Variants in PRKN observed in about 807,000 individuals in gnomAD.
PRKN encodes the protein parkin RBR E3 ubiquitin protein ligase.
In PRKN, 56 loss-of-function variants were observed where a neutral mutation model predicts 59.5. The ratio of observed to expected loss-of-function variants is 0.94; its 90% confidence interval spans 0.76 to 1.18. The LOEUF is 1.18. Ranked by LOEUF, PRKN falls within the 50% of genes most tolerant of loss-of-function variation. PRKN has a pLI of 0.00. For synonymous variants in PRKN, 250 were observed against 222.1 expected (o/e 1.13, Z -1.12); for missense variants, 657 against 596.4 (o/e 1.10, Z -1.06).
At chr6:161,904,799 G>A (rs913597307) in intron 6 of PRKN, among the ~76,000 whole-genome samples, 6 of 152,042 alleles carry the variant, frequency 3.9e-5, no homozygotes, top group African/African-American at 7.2e-5. Context: ...AGCAAGATGG[G>A]GTTGTGCAGA....
intron 2 of PRKN, among the ~76,000 whole-genome samples, chr6:162,301,319 G>A (rs965803404): frequency 6.6e-6 from 1 of 151,360 alleles, no homozygotes; most frequent in Non-Finnish European, 1.5e-5. Flanking sequence ...AGTCAAAGAC[G>A]CAGACTCAGC....
intron 1 of PRKN, among the ~76,000 whole-genome samples, chr6:162,457,599 TACAA>T (rs1160788368): frequency 6.6e-6 from 1 of 150,844 alleles, no homozygotes; most frequent in Non-Finnish European, 1.5e-5. Context: ...GGCTGATTAA[TACAA>T]ACAAAGAAAT....
chr6:161,950,292 C>T (rs1043976467), intron 6 of PRKN, among the ~76,000 whole-genome samples: 1 of 152,148 alleles, frequency 6.6e-6, no homozygotes, highest in Non-Finnish European at 1.5e-5. Context: ...TGCCTGTAAT[C>T]CCAGCACTTT....
chr6:161,873,791 G>T (rs55901057), intron 6 of PRKN, among the ~76,000 whole-genome samples: 1 of 148,606 alleles, frequency 6.7e-6, no homozygotes, highest in Non-Finnish European at 1.5e-5. Flanking sequence ...TTTCCTCTAA[G>T]CTTTCAAAAT....
chr6:161,504,092 A>T (rs968968478), intron 9 of PRKN, among the ~76,000 whole-genome samples: 19 of 152,236 alleles, frequency 1.2e-4, no homozygotes, highest in Admixed American at 9.2e-4. Context: ...GGGTATAGAG[A>T]CAGAAGATGT....
At chr6:162,615,417 A>T (rs1478602835) in intron 1 of PRKN, among the ~76,000 whole-genome samples, 1 of 147,066 alleles carries the variant, frequency 6.8e-6, no homozygotes, top group African/African-American at 2.5e-5. Context: ...TACCATCTCA[A>T]ATTTAACTTC....
chr6:161,740,315 C>T (rs954629483), intron 7 of PRKN, among the ~76,000 whole-genome samples: 4 of 152,170 alleles, frequency 2.6e-5, no homozygotes, highest in East Asian at 3.9e-4. Flanking sequence ...ATGTTATTGT[C>T]CTCGTCTATA....
At chr6:161,667,517 A>C (rs991859702) in intron 7 of PRKN, among the ~76,000 whole-genome samples, 1 of 152,190 alleles carries the variant, frequency 6.6e-6, no homozygotes, top group Admixed American at 6.5e-5. Context: ...AAACTACCAG[A>C]ATCTTTTGTT....
Position 162,585,584 on chromosome 6 carries a change from G to A in PRKN, c.7+142078C>T, listed in dbSNP as rs566004585. On this transcript the variant is annotated intron_variant, in intron 1 of 11. Coordinates refer to ENST00000366898, the MANE Select transcript of PRKN (RefSeq NM_004562.3). ...TTCCTGTTAGCAGTTATTTACATGC[G>A]TACATATGAATGATTAAAAGATATA... 2.4e-4 allele frequency among the ~76,000 whole-genome samples: 36 copies of A among 152,042 alleles called. No homozygotes were observed. The South Asian group carries it at 2.5e-3, about 11-fold the overall frequency.
chr6:161,509,585 A>C (rs1313415442), intron 9 of PRKN, among the ~76,000 whole-genome samples: 1 of 151,428 alleles, frequency 6.6e-6, no homozygotes, highest in African/African-American at 2.4e-5. Context: ...TTGGGGGGAA[A>C]AAAAGAAAAA....
At chr6:162,717,379 C>T (rs1427104518) in intron 1 of PRKN, among the ~76,000 whole-genome samples, 2 of 151,970 alleles carry the variant, frequency 1.3e-5, no homozygotes, top group Non-Finnish European at 2.9e-5. Flanking sequence ...GAGTTCAAGA[C>T]TAGTCTGGGC....
intron 1 of PRKN, among the ~76,000 whole-genome samples, chr6:162,591,006 C>T (rs1562415341): frequency 6.6e-6 from 1 of 152,060 alleles, no homozygotes; most frequent in Non-Finnish European, 1.5e-5. Context: ...TGGTCACTGT[C>T]TCATGGGGGG....
chr6:162,501,643 AC>A (rs1385574852), intron 1 of PRKN, among the ~76,000 whole-genome samples: 2 of 151,780 alleles, frequency 1.3e-5, no homozygotes, highest in Non-Finnish European at 2.9e-5. Context: ...GGTGTGAGCC[AC>A]CGCGCCCGGC....
Position 161,552,315 on chromosome 6 carries a change from TCTGTTCACCTCCGCC to T in PRKN, c.934-3327_934-3313del, listed in dbSNP as rs2115435519. ...ATCCTCCAAGCCCCTCTCCCTCAGC[TCTGTTCACCTCCGCC>T]TATGACTGTGAATGATCTCACGGTG... On this transcript the variant is annotated intron_variant, in intron 8 of 11. Transcript: ENST00000366898. This position sits in a 1 kb window ranked among gnomAD's most constrained non-coding sequence, Gnocchi z 4.9. Among the ~76,000 whole-genome samples, 3 of 151,014 alleles carry T rather than the reference TCTGTTCACCTCCGCC, an allele frequency of 2.0e-5. No individual in the cohort carries two copies. The highest frequency in any genetic ancestry group is 2.1e-4 in the South Asian group (1 of 4,766).
chr6:162,168,216 A>G (rs1220316351), intron 4 of PRKN, among the ~76,000 whole-genome samples: 1 of 152,140 alleles, frequency 6.6e-6, no homozygotes, highest in Non-Finnish European at 1.5e-5. Flanking sequence ...CCTATCTCTG[A>G]GTAGCTGCAT....
chr6:162,287,413 T>C (rs567025099), intron 2 of PRKN, among the ~76,000 whole-genome samples: 3 of 151,906 alleles, frequency 2.0e-5, no homozygotes, highest in East Asian at 1.9e-4. Flanking sequence ...CAAAAAAATA[T>C]AAAAATCAGC....
intron 7 of PRKN, among the ~76,000 whole-genome samples, chr6:161,610,506 C>T (rs1223568156): frequency 6.7e-6 from 1 of 149,688 alleles, no homozygotes; most frequent in Admixed American, 6.6e-5. Flanking sequence ...CACACACACA[C>T]ACACACACAC....
chr6:161,421,624 T>C (rs1267810728), intron 9 of PRKN, among the ~76,000 whole-genome samples: 1 of 152,160 alleles, frequency 6.6e-6, no homozygotes, highest in Non-Finnish European at 1.5e-5. Flanking sequence ...GATAGAGACG[T>C]TTACCCCTTG....
rs1421305369 is a variant in PRKN at position 161,680,759 on chromosome 6, ATATATATATATATATATTTTTTT to A, written c.871+104990_871+105012del. 1.4e-3 allele frequency among the ~76,000 whole-genome samples: 16 copies of A among 11,446 alleles called. 1 individual carries two copies. The highest frequency in any genetic ancestry group is 2.0e-3 in the Non-Finnish European group (13 of 6,356). 7.5% of individuals were successfully genotyped at this position (11,446 alleles called of 152,430 possible). On this transcript the variant is annotated intron_variant, in intron 7 of 11. Transcript: ENST00000366898. Reference sequence around the variant, plus strand: ...TATATATATATATATATATATATATATATATATATATATATATTTTTTTTTTTTTTTCTTTTCCTAAAACAACA... The same window carrying A: ...TATATATATATATATATATATATATATTTTTTTTCTTTTCCTAAAACAACA...
Sources: allele counts gnomAD v4.1 joint callset (sites outside exome capture counted in the v4.1 genomes callset), GRCh38; gene constraint gnomAD v4.1.1; non-coding constraint Gnocchi (gnomAD v3.1); transcripts MANE v1.5; gene names NCBI Gene and HGNC (gene_info 2026-07-23, HGNC 2026-07-21).